Variants in SMAP2 observed in about 807,000 individuals in gnomAD.
The protein encoded by SMAP2 is small ArfGAP2.
SMAP2 carries 25 observed loss-of-function variants against 56.4 expected under a neutral mutation model. That is an observed-to-expected ratio of 0.44 (90% CI 0.32 to 0.62). SMAP2 has a LOEUF of 0.62. Ranked by LOEUF, SMAP2 falls within the 20% of genes least tolerant of loss-of-function variation. The probability of loss-of-function intolerance (pLI) is 0.04; values close to 1 mark genes in which losing one functional copy is unlikely to be tolerated. For synonymous variants in SMAP2, 157 were observed against 181.7 expected (o/e 0.86, Z 1.09); for missense variants, 388 against 545.6 (o/e 0.71, Z 2.88).
chr1:40,409,636 C>A, intron 3 of SMAP2, 121 bp from the exon 4 acceptor site: 1 of 667,234 alleles, frequency 1.5e-6, no homozygotes. Context: ...AGGCAGGAGC[C>A]ATGTGGGGAA....
chr1:40,394,452 A>G (rs1176321512), intron 1 of SMAP2, among the ~76,000 whole-genome samples: 1 of 152,162 alleles, frequency 6.6e-6, no homozygotes, highest in Non-Finnish European at 1.5e-5. Context: ...TGTTTGTAGC[A>G]TCAAGGGACT....
chr1:40,411,446 G>T (rs182262924), intron 4 of SMAP2, among the ~76,000 whole-genome samples: 2 of 152,176 alleles, frequency 1.3e-5, no homozygotes, highest in Non-Finnish European at 2.9e-5. Context: ...GTTGCTATTT[G>T]TACACAGCTA....
Position 40,422,587 on chromosome 1 carries a change from T to C in SMAP2, c.*486T>C, listed in dbSNP as rs1243726353. ...TATGGGAATGAAGCAAGTACTGAAA[T>C]CAAATTAAATACTCCCTGGGTCCTG... On this transcript the variant is annotated 3_prime_UTR_variant, in exon 10 of 10. Coordinates refer to ENST00000372718, the MANE Select transcript of SMAP2 (RefSeq NM_022733.3). 1 of 157,408 alleles carries C rather than the reference T, an allele frequency of 6.4e-6. No homozygotes were observed. The highest frequency in any genetic ancestry group is 2.4e-5 in the African/African-American group (1 of 41,504). 9.8% of individuals were successfully genotyped at this position (157,408 alleles called of 1,614,324 possible). A position where few individuals can be genotyped will look rare whatever the true frequency, so the allele number is the denominator to read the frequency against.
chr1:40,374,358 T>A lies in SMAP2; in HGVS notation c.103+135T>A. 1.3e-6 allele frequency: 1 copy of A among 771,624 alleles called. No individual in the cohort carries two copies. Among genetic ancestry groups the A allele is most frequent in the Non-Finnish European group, 2.2e-6 (1 of 449,458 alleles). The allele number at this position is 771,624 out of a possible 1,614,324, so 47.8% of individuals were successfully genotyped here. A position where few individuals can be genotyped will look rare whatever the true frequency, so the allele number is the denominator to read the frequency against. ...GTGGTAACGCGTGCTGCGCTTGCAG[T>A]GAGCCTACTGGGCTTTCTGCAGCTG... On this transcript the variant is annotated intron_variant, in intron 1 of 9. Transcript: ENST00000372718. The surrounding 1 kb of genome is among the most constrained non-coding windows in gnomAD (Gnocchi z 5.9).
In SMAP2 at chr1:40,393,649, G is replaced by A. The variant is rs1286386964; in HGVS notation, c.104-13087G>A. ...CAACCTCCACCTCCCAGGTTCAAGCGATTCCCCTGCCTCAGCCTCCTGAAT... is the reference window on the plus strand; with the variant it reads ...CAACCTCCACCTCCCAGGTTCAAGCAATTCCCCTGCCTCAGCCTCCTGAAT... On this transcript the variant is annotated intron_variant, in intron 1 of 9. Transcript: ENST00000372718. 34 of 698,996 alleles carry A rather than the reference G, an allele frequency of 4.9e-5. 1 individual carries two copies. The Admixed American group carries it at 8.3e-4, about 17-fold the overall frequency. 43.3% of individuals were successfully genotyped at this position (698,996 alleles called of 1,614,324 possible). A position where few individuals can be genotyped will look rare whatever the true frequency, so the allele number is the denominator to read the frequency against.
chr1:40,383,181 A>G (rs979616456), intron 1 of SMAP2, among the ~76,000 whole-genome samples: 1 of 152,190 alleles, frequency 6.6e-6, no homozygotes, highest in Non-Finnish European at 1.5e-5. Context: ...CTATGCCTGC[A>G]AGGAAAATAG....
chr1:40,370,992 G>T (rs906929037), upstream of SMAP2, among the ~76,000 whole-genome samples: 1 of 152,114 alleles, frequency 6.6e-6, no homozygotes, highest in Non-Finnish European at 1.5e-5. Context: ...GGCTAACAGG[G>T]TGAAACCCTG....
At chr1:40,398,729 C>T (rs1307591217) in intron 1 of SMAP2, among the ~76,000 whole-genome samples, 6 of 151,832 alleles carry the variant, frequency 4.0e-5, no homozygotes, top group African/African-American at 7.3e-5. Context: ...GCCTCAAACT[C>T]CTGGGCTCAA....
chr1:40,387,569 C>T (rs1344091031), intron 1 of SMAP2, among the ~76,000 whole-genome samples: 2 of 151,934 alleles, frequency 1.3e-5, no homozygotes, highest in Middle Eastern at 3.2e-3. Flanking sequence ...ATGGGGAATT[C>T]GGGAGAACCC....
rs183092795 is a variant in SMAP2 at position 40,388,246 on chromosome 1, G to C, written c.103+14023G>C. 7.5e-4 allele frequency among the ~76,000 whole-genome samples: 115 copies of C among 152,354 alleles called. 1 individual carries two copies. The highest frequency in any genetic ancestry group is 2.6e-3 in the African/African-American group (109 of 41,592). On this transcript the variant is annotated intron_variant, in intron 1 of 9. Transcript: ENST00000372718. The stretch of plus-strand genomic sequence containing the variant: ...GGGCTGAGGTGTGTGGGCGCACAGC[G>C]CGGGACTGGCGGGCAGCTCCACCTG...
At chr1:40,413,317 A>G (rs529037517) in intron 5 of SMAP2, among the ~76,000 whole-genome samples, 63 of 152,328 alleles carry the variant, frequency 4.1e-4, no homozygotes, top group Non-Finnish European at 6.9e-4. Flanking sequence ...TTGGGGCCAG[A>G]TGAGAACTCA....
At chr1:40,396,262 A>C (rs1394719748) in intron 1 of SMAP2, among the ~76,000 whole-genome samples, 1 of 152,210 alleles carries the variant, frequency 6.6e-6, no homozygotes, top group East Asian at 1.9e-4. Context: ...CCTCTCTAAT[A>C]GTGGGTGCCG....
At chr1:40,392,653 A>G (rs908352584) in intron 1 of SMAP2, among the ~76,000 whole-genome samples, 1 of 152,194 alleles carries the variant, frequency 6.6e-6, no homozygotes, top group Non-Finnish European at 1.5e-5. Flanking sequence ...CTGAAATATC[A>G]TAGGCTAACC....
At chr1:40,361,072 C>T (rs1457975849) in intron 1 of SMAP2, among the ~76,000 whole-genome samples, 1 of 152,300 alleles carries the variant, frequency 6.6e-6, no homozygotes, top group East Asian at 1.9e-4. Context: ...GCATAGCTTG[C>T]AGTTCCAGGA....
chr1:40,421,473 C>T (rs1288909244), intron 9 of SMAP2, among the ~76,000 whole-genome samples: 2 of 152,006 alleles, frequency 1.3e-5, no homozygotes, highest in Admixed American at 1.3e-4. Context: ...CGCCCCGCCA[C>T]CGCCTTTGTT....
intron 1 of SMAP2, among the ~76,000 whole-genome samples, chr1:40,351,857 C>A (rs772607425): frequency 3.1e-4 from 47 of 151,984 alleles, no homozygotes; most frequent in Non-Finnish European, 1.9e-4. Flanking sequence ...AGGCTGGTCT[C>A]GAACTCTTGG....
intron 2 of SMAP2, among the ~76,000 whole-genome samples, chr1:40,362,871 T>C (rs556940954): frequency 6.6e-6 from 1 of 152,266 alleles, no homozygotes; most frequent in Non-Finnish European, 1.5e-5. Flanking sequence ...GATGATTACA[T>C]AGCAGCAGGC....
intron 1 of SMAP2, chr1:40,393,355 G>T (rs1472950649): frequency 7.2e-6 from 11 of 1,533,124 alleles, no homozygotes; most frequent in Admixed American, 2.0e-5. Flanking sequence ...ACAAATGAGT[G>T]AGTGCAGCAG....
intron 1 of SMAP2, among the ~76,000 whole-genome samples, chr1:40,345,301 G>A (rs1644381155): frequency 6.6e-6 from 1 of 151,922 alleles, no homozygotes; most frequent in African/African-American, 2.4e-5. Flanking sequence ...CTACTCCCTG[G>A]AGGCTAAGGA....
Sources: gnomAD v4.1 joint callset for allele counts (sites outside exome capture counted in the v4.1 genomes callset) on GRCh38, gnomAD v4.1.1 for gene constraint, Gnocchi (gnomAD v3.1) non-coding constraint, MANE v1.5 for transcripts, NCBI Gene and HGNC (gene_info 2026-07-23, HGNC 2026-07-21) for gene names.